Variants in ITGA1 observed in about 807,000 individuals in gnomAD.
ITGA1 encodes integrin subunit alpha 1, also known as integrin alpha-1.
Under a neutral mutation model 145.9 loss-of-function variants are expected in ITGA1, and 85 were observed. The observed-to-expected ratio is 0.58, with a 90% CI of 0.49 to 0.70. The LOEUF (loss-of-function observed/expected upper bound fraction) is 0.70, where lower values mean the gene tolerates loss of function less well. ITGA1 is among the 30% of genes least tolerant of loss of function. The probability of loss-of-function intolerance (pLI) is 0.00; values close to 1 mark genes in which losing one functional copy is unlikely to be tolerated. For missense variants in ITGA1, 1,351 were observed against 1,418.7 expected, an observed-to-expected ratio of 0.95 and a Z score of 0.77; for synonymous variants, 520 against 495.3, an observed-to-expected ratio of 1.05 and a Z score of -0.66.
At chr5:52,818,605 G>C (rs1185719143) in intron 1 of ITGA1, among the ~76,000 whole-genome samples, 1 of 152,144 alleles carries the variant, frequency 6.6e-6, no homozygotes, top group African/African-American at 2.4e-5. Context: ...GTTTTTGGGT[G>C]ATTCTTTTTC....
intron 1 of ITGA1, among the ~76,000 whole-genome samples, chr5:52,829,292 G>A (rs890959617): frequency 1.3e-5 from 2 of 152,118 alleles, no homozygotes; most frequent in South Asian, 2.1e-4. Flanking sequence ...TTGGGAGGCC[G>A]AGGTGGGTAG....
In ITGA1 at chr5:52,920,696, C is replaced by T. The variant is rs147556512; in HGVS notation, c.2292+228C>T. Among the ~76,000 whole-genome samples the T allele has an allele frequency of 1.6e-3, 239 of 152,296 alleles. 2 individuals are homozygous for T. The South Asian group carries it at 0.034, about 21-fold the overall frequency. On this transcript the variant is annotated intron_variant, in intron 17 of 28. Transcript: ENST00000282588. ...CTTCCCTGTCTGCATTATCAGACAT[C>T]CATATATTATGGAACGGCAGGAAAA...
chr5:52,825,800 C>A (rs2111711865), intron 1 of ITGA1, among the ~76,000 whole-genome samples: 1 of 152,140 alleles, frequency 6.6e-6, no homozygotes, highest in African/African-American at 2.4e-5. Context: ...TGCCTGTAAT[C>A]CCAGCTACTT....
intron 6 of ITGA1, among the ~76,000 whole-genome samples, chr5:52,872,943 G>T (rs779346292): frequency 7.9e-5 from 12 of 152,130 alleles, no homozygotes; most frequent in Non-Finnish European, 1.2e-4. Flanking sequence ...TCACTCAGTA[G>T]CATTGCTCTT....
rs767157144 is a variant in ITGA1, at chr5:52,865,671, T to C, written c.497-19T>C. 3 of 1,498,612 alleles carry C rather than the reference T, an allele frequency of 2.0e-6. No individual in the cohort carries two copies. Among genetic ancestry groups the C allele is most frequent in the Admixed American group, 2.5e-5 (1 of 40,208 alleles). 92.8% of individuals were successfully genotyped at this position (1,498,612 alleles called of 1,614,324 possible). ...AAAAAATAGATTCCAAATTTGACAA[T>C]TGACTCCTTTTATTGCAGAATGCAG... On this transcript the variant is annotated intron_variant, in intron 5 of 28. Transcript: ENST00000282588.
Position 52,899,240 on chromosome 5 carries a change from A to T in ITGA1, c.1309+857A>T, listed in dbSNP as rs531171901. ...TCACGTGTTAGCCTTCCTCTCTGGGATCTTTCTGTCCCGGAGACAAGTCTT... is the reference window on the plus strand; with the variant it reads ...TCACGTGTTAGCCTTCCTCTCTGGGTTCTTTCTGTCCCGGAGACAAGTCTT... On this transcript the variant is annotated intron_variant, in intron 11 of 28. Coordinates refer to ENST00000282588, the MANE Select transcript of ITGA1 (RefSeq NM_181501.2). Among the ~76,000 whole-genome samples, 186 of 152,282 alleles carry T rather than the reference A, an allele frequency of 1.2e-3. 1 individual carries two copies. Among genetic ancestry groups the T allele is most frequent in the Non-Finnish European group, 2.0e-3 (139 of 68,016 alleles).
intron 19 of ITGA1, among the ~76,000 whole-genome samples, chr5:52,926,868 T>C (rs1033343865): frequency 3.0e-4 from 46 of 152,186 alleles, no homozygotes; most frequent in African/African-American, 1.1e-3. Context: ...ATTTCACTTA[T>C]TTCATTTTCA....
At chr5:52,880,718 C>G (rs1168710699) in intron 6 of ITGA1, among the ~76,000 whole-genome samples, 2 of 152,168 alleles carry the variant, frequency 1.3e-5, no homozygotes, top group Non-Finnish European at 2.9e-5. Context: ...AGGCTTGTTG[C>G]AAATTACCTC....
intron 6 of ITGA1, among the ~76,000 whole-genome samples, chr5:52,873,501 G>A (rs1295134525): frequency 6.6e-6 from 1 of 152,066 alleles, no homozygotes; most frequent in East Asian, 1.9e-4. Context: ...TGTTTCCTTA[G>A]GAAATAATCA....
intron 1 of ITGA1, among the ~76,000 whole-genome samples, chr5:52,828,794 C>T (rs1356752251): frequency 1.3e-5 from 2 of 152,156 alleles, no homozygotes; most frequent in African/African-American, 2.4e-5. Flanking sequence ...TTGGCAGAGC[C>T]ATACTCCTTC....
chr5:52,838,028 CTTT>C (rs1008623902), intron 1 of ITGA1, among the ~76,000 whole-genome samples: 6 of 152,028 alleles, frequency 3.9e-5, no homozygotes, highest in African/African-American at 1.4e-4. Context: ...TTTCTGATTT[CTTT>C]TCTAAGCGTT....
chr5:52,840,522 G>GA (rs1749237641), intron 1 of ITGA1, among the ~76,000 whole-genome samples: 2 of 152,304 alleles, frequency 1.3e-5, no homozygotes, highest in South Asian at 4.1e-4. Context: ...AGATGATGCT[G>GA]ATGTGGTGAA....
chr5:52,850,291 C>A (rs952188489), intron 2 of ITGA1, among the ~76,000 whole-genome samples: 2 of 152,142 alleles, frequency 1.3e-5, no homozygotes, highest in African/African-American at 4.8e-5. Flanking sequence ...TGAGCCATAG[C>A]ACCTGGCCGT....
intron 14 of ITGA1, among the ~76,000 whole-genome samples, chr5:52,913,651 A>G (rs1248451407): frequency 6.6e-6 from 1 of 152,228 alleles, no homozygotes; most frequent in Non-Finnish European, 1.5e-5. Flanking sequence ...TTGAACAACT[A>G]CTTACAAATA....
At chr5:52,934,104 T>C in intron 23 of ITGA1, 108 bp downstream of exon 23, 1 of 314,518 alleles carries the variant, frequency 3.2e-6, no homozygotes, top group Non-Finnish European at 6.0e-6. Flanking sequence ...TTAATCTCTA[T>C]ATTCCAGCAT....
intron 3 of ITGA1, among the ~76,000 whole-genome samples, chr5:52,863,006 C>T (rs184254553): frequency 6.6e-6 from 1 of 152,058 alleles, no homozygotes; most frequent in Non-Finnish European, 1.5e-5. Context: ...CATTTATTAC[C>T]TTTCCTTGAG....
At chr5:52,807,210 T>A (rs6450082) in intron 1 of ITGA1, among the ~76,000 whole-genome samples, 138,030 of 152,222 alleles carry the variant, frequency 0.91, 62,652 homozygotes, top group Middle Eastern at 0.93. Flanking sequence ...AGTAGCAAAT[T>A]CAAGAGCAAA....
intron 1 of ITGA1, among the ~76,000 whole-genome samples, chr5:52,822,150 T>C (rs57787290): frequency 0.013 from 2,021 of 152,314 alleles, 40 homozygotes; most frequent in African/African-American, 0.047. Context: ...CTTTAGAGTT[T>C]CCAAATGGTG....
chr5:52,795,967 C>G, intron 1 of ITGA1, among the ~76,000 whole-genome samples: 1 of 151,948 alleles, frequency 6.6e-6, no homozygotes, highest in East Asian at 1.9e-4. Flanking sequence ...TTGAATCAGT[C>G]TTTCACCTCT....
Sources: allele counts gnomAD v4.1 joint callset (sites outside exome capture counted in the v4.1 genomes callset), GRCh38; gene constraint gnomAD v4.1.1; transcripts MANE v1.5; gene names NCBI Gene and HGNC (gene_info 2026-07-23, HGNC 2026-07-21).